The following BICD1 variants were observed in gnomAD, a reference collection of about 807,000 sequenced individuals.
The protein encoded by BICD1 is BICD cargo adaptor 1, also known as protein bicaudal D homolog 1.
A neutral mutation model predicts 92.5 loss-of-function variants in BICD1; 35 were observed. The ratio of observed to expected loss-of-function variants is 0.38; its 90% CI spans 0.29 to 0.50. The LOEUF (loss-of-function observed/expected upper bound fraction) is 0.50, where lower values mean the gene tolerates loss of function less well. Ranked by LOEUF, BICD1 falls within the 20% of genes least tolerant of loss-of-function variation. The pLI is 0.93. For missense variants in BICD1, 950 were observed against 1,189.8 expected (o/e 0.80, Z 2.97); for synonymous variants, 429 against 465.1 (o/e 0.92, Z 1.00).
intron 8 of BICD1, among the ~76,000 whole-genome samples, chr12:32,348,235 T>C (rs1235903349): frequency 6.6e-6 from 1 of 152,224 alleles, no homozygotes; most frequent in East Asian, 1.9e-4. Context: ...GATGAAAGGA[T>C]GAAACTTTTT....
intron 8 of BICD1, chr12:32,340,460 C>A: frequency 1.0e-6 from 1 of 985,352 alleles, no homozygotes; most frequent in Non-Finnish European, 1.2e-6. Context: ...CACAAGTCTT[C>A]TTTTTAGTGT....
chr12:32,254,094 C>CCT (rs1189256194), intron 2 of BICD1, among the ~76,000 whole-genome samples: 1 of 130,470 alleles, frequency 7.7e-6, no homozygotes, highest in African/African-American at 2.9e-5. Context: ...CCATATTCCA[C>CCT]GTCATATTCA....
intron 1 of BICD1, among the ~76,000 whole-genome samples, chr12:32,169,697 C>A (rs540706999): frequency 6.6e-6 from 1 of 152,148 alleles, no homozygotes; most frequent in Non-Finnish European, 1.5e-5. Context: ...CCTTTGATAA[C>A]CTAGGTCGCT....
intron 1 of BICD1, among the ~76,000 whole-genome samples, chr12:32,146,277 T>A (rs910535569): frequency 6.6e-6 from 1 of 152,240 alleles, no homozygotes; most frequent in African/African-American, 2.4e-5. Context: ...TCACATTCAC[T>A]GTGGCTTCCA....
chr12:32,210,213 A>G (rs1189630102), intron 1 of BICD1, among the ~76,000 whole-genome samples: 1 of 152,076 alleles, frequency 6.6e-6, no homozygotes, highest in Non-Finnish European at 1.5e-5. Flanking sequence ...ATACTTGCCG[A>G]GTGAATGAAC....
At chr12:32,132,625 G>A (rs549615152) in intron 1 of BICD1, among the ~76,000 whole-genome samples, 1 of 152,060 alleles carries the variant, frequency 6.6e-6, no homozygotes, top group Admixed American at 6.6e-5. Flanking sequence ...CCGCCCCAAC[G>A]CCAAGGGGGC....
chr12:32,219,306 C>T (rs1020636499), intron 2 of BICD1, among the ~76,000 whole-genome samples: 1 of 152,020 alleles, frequency 6.6e-6, no homozygotes, highest in African/African-American at 2.4e-5. Context: ...GAAAGATTTA[C>T]CCATGTGTGT....
chr12:32,234,674 T>C (rs1278697307), intron 2 of BICD1, among the ~76,000 whole-genome samples: 1 of 147,024 alleles, frequency 6.8e-6, no homozygotes, highest in Non-Finnish European at 1.5e-5. Context: ...TTTCTTTCTT[T>C]TTTTTTTTTT....
At chr12:32,275,776 T>G (rs1019696032) in intron 2 of BICD1, among the ~76,000 whole-genome samples, 1 of 152,086 alleles carries the variant, frequency 6.6e-6, no homozygotes, top group Non-Finnish European at 1.5e-5. Context: ...CACTCCCGAT[T>G]GTGCTAAAAG....
At chr12:32,303,052 A>G (rs1948105481) in intron 3 of BICD1, among the ~76,000 whole-genome samples, 1 of 149,532 alleles carries the variant, frequency 6.7e-6, no homozygotes, top group Non-Finnish European at 1.5e-5. Context: ...CTCCCACCTC[A>G]TCCTCCCGAA....
chr12:32,300,584 T>C (rs1948010924), intron 3 of BICD1, among the ~76,000 whole-genome samples: 1 of 150,580 alleles, frequency 6.6e-6, no homozygotes, highest in South Asian at 2.1e-4. Flanking sequence ...TCCTATGTTG[T>C]CCAGGGAAAG....
intron 2 of BICD1, among the ~76,000 whole-genome samples, chr12:32,292,991 A>G (rs1947763412): frequency 2.6e-5 from 4 of 152,224 alleles, no homozygotes; most frequent in African/African-American, 9.6e-5. Context: ...AACTTTACAC[A>G]TAAGTCCTGG....
intron 2 of BICD1, among the ~76,000 whole-genome samples, chr12:32,248,128 C>G (rs1946437825): frequency 6.6e-6 from 1 of 152,128 alleles, no homozygotes; most frequent in Non-Finnish European, 1.5e-5. Context: ...AGACCTCTGT[C>G]TCCTAGAGCA....
chr12:32,377,952 G>A lies in BICD1; in HGVS notation c.*325G>A, dbSNP rs1395838814. The A allele has an allele frequency of 4.6e-6, 1 of 216,588 alleles. No individual in the cohort carries two copies. The highest frequency in any genetic ancestry group is 2.3e-5 in the African/African-American group (1 of 43,936). The allele number at this position is 216,588 out of a possible 1,614,324, so 13.4% of individuals were successfully genotyped here. A position where few individuals can be genotyped will look rare whatever the true frequency, so the allele number is the denominator to read the frequency against. ...CCTCGATAGCATAAGAGAGACCTAA[G>A]ACATGTAAAATACGTATATTGCAGT... On this transcript the variant is annotated 3_prime_UTR_variant, in exon 10 of 10. Transcript: ENST00000652176.
At position 32,379,794 on chromosome 12, in the gene BICD1, T is replaced by C. The variant is rs186982474; in HGVS notation, c.*2167T>C. 2.6e-5 allele frequency: 4 copies of C among 152,278 alleles called. No individual in the cohort carries two copies. The highest frequency in any genetic ancestry group is 1.9e-4 in the East Asian group (1 of 5,188). 9.4% of individuals were successfully genotyped at this position (152,278 alleles called of 1,614,324 possible). A position where few individuals can be genotyped will look rare whatever the true frequency, so the allele number is the denominator to read the frequency against. ...CCTTTTTAAAAAGTACCTCAGAACATGTTCGTAGATCGTCTCATCGGTTTT... is the reference window on the plus strand; with the variant it reads ...CCTTTTTAAAAAGTACCTCAGAACACGTTCGTAGATCGTCTCATCGGTTTT... On this transcript the variant is annotated 3_prime_UTR_variant, in exon 10 of 10. Coordinates refer to ENST00000652176, the MANE Select transcript of BICD1 (RefSeq NM_001714.4).
chr12:32,185,195 A>G (rs117289189), intron 1 of BICD1, among the ~76,000 whole-genome samples: 2,532 of 152,320 alleles, frequency 0.017, 33 homozygotes, highest in Non-Finnish European at 0.026. Context: ...GGTTGTACCT[A>G]ATTTAAATTA....
chr12:32,137,522 G>A (rs1411209626), intron 1 of BICD1, among the ~76,000 whole-genome samples: 1 of 152,126 alleles, frequency 6.6e-6, no homozygotes, highest in South Asian at 2.1e-4. Flanking sequence ...AAAAGAACAA[G>A]GTAACGTGTT....
chr12:32,166,959 T>C (rs1315181479), intron 1 of BICD1, among the ~76,000 whole-genome samples: 1 of 152,240 alleles, frequency 6.6e-6, no homozygotes, highest in East Asian at 1.9e-4. Context: ...AGTATCAACA[T>C]AGAAATAAAA....
intron 4 of BICD1, among the ~76,000 whole-genome samples, chr12:32,319,169 T>C (rs1592666101): frequency 6.6e-6 from 1 of 152,346 alleles, no homozygotes; most frequent in East Asian, 1.9e-4. Flanking sequence ...GCTAGAACTC[T>C]AGTACAATGA....
Sources: gnomAD v4.1 joint callset for allele counts (sites outside exome capture counted in the v4.1 genomes callset) on GRCh38, gnomAD v4.1.1 for gene constraint, MANE v1.5 for transcripts, NCBI Gene and HGNC (gene_info 2026-07-23, HGNC 2026-07-21) for gene names.